The following NFATC2 variants were observed in gnomAD, a reference collection of about 807,000 sequenced individuals.
NFATC2 encodes nuclear factor of activated T-cells, cytoplasmic 2.
NFATC2 carries 22 observed loss-of-function variants against 87.3 expected under a neutral mutation model. The ratio of observed to expected loss-of-function variants is 0.25; its 90% confidence interval spans 0.18 to 0.36. NFATC2 has a LOEUF of 0.36. Ranked by LOEUF, NFATC2 falls within the 10% of genes least tolerant of loss-of-function variation. NFATC2 has a pLI of 1.00. For missense variants in NFATC2, 1,149 were observed against 1,259.1 expected (o/e 0.91, Z 1.32); for synonymous variants, 565 against 542.2 (o/e 1.04, Z -0.58).
chr20:51,458,738 G>T (rs936492892), intron 5 of NFATC2, among the ~76,000 whole-genome samples: 1 of 151,888 alleles, frequency 6.6e-6, no homozygotes, highest in South Asian at 2.1e-4. Flanking sequence ...TGCTTGAACC[G>T]GGGAGGCGGA....
intron 6 of NFATC2, among the ~76,000 whole-genome samples, chr20:51,437,920 A>G (rs569354282): frequency 6.6e-6 from 1 of 152,354 alleles, no homozygotes; most frequent in East Asian, 1.9e-4. Context: ...TGAGGCCAAG[A>G]AAAGGCCAAA....
intron 1 of NFATC2, among the ~76,000 whole-genome samples, chr20:51,541,349 G>A (rs1462099444): frequency 6.6e-6 from 1 of 152,086 alleles, no homozygotes; most frequent in Non-Finnish European, 1.5e-5. Context: ...GGGCTGGGCT[G>A]TCAAAATCAG....
chr20:51,423,371 CA>C (rs1432121479), intron 9 of NFATC2, among the ~76,000 whole-genome samples: 5 of 152,038 alleles, frequency 3.3e-5, no homozygotes, highest in South Asian at 2.1e-4. Flanking sequence ...TTTCCAGCCC[CA>C]CAAGTTATGC....
intron 3 of NFATC2, among the ~76,000 whole-genome samples, chr20:51,476,533 C>G (rs1004501055): frequency 6.6e-6 from 1 of 152,144 alleles, no homozygotes; most frequent in African/African-American, 2.4e-5. Context: ...CCCTATCTCT[C>G]TCTCCTACTT....
intron 5 of NFATC2, 39 bp downstream of exon 5, chr20:51,473,941 G>T (rs201111723): frequency 1.1e-5 from 17 of 1,602,534 alleles, no homozygotes; most frequent in Non-Finnish European, 1.4e-5. Flanking sequence ...CGTGCCCTAC[G>T]CTTTCTGAAG....
At chr20:51,452,645 C>T (rs1458116697) in intron 6 of NFATC2, among the ~76,000 whole-genome samples, 1 of 152,194 alleles carries the variant, frequency 6.6e-6, no homozygotes, top group East Asian at 1.9e-4. Context: ...CCTGCCCAAC[C>T]TCATCCCCAC....
intron 3 of NFATC2, among the ~76,000 whole-genome samples, chr20:51,498,225 T>C (rs932448036): frequency 6.6e-6 from 1 of 152,040 alleles, no homozygotes; most frequent in Non-Finnish European, 1.5e-5. Context: ...CGCCAGCACA[T>C]CCATCACCCA....
intron 1 of NFATC2, among the ~76,000 whole-genome samples, chr20:51,560,649 CA>C (rs1224998680): frequency 6.6e-6 from 1 of 152,198 alleles, no homozygotes; most frequent in Admixed American, 6.5e-5. Context: ...CCTGGAACTG[CA>C]TTCTATGTGC....
intron 3 of NFATC2, among the ~76,000 whole-genome samples, chr20:51,477,508 T>C (rs1988814269): frequency 1.4e-5 from 2 of 140,270 alleles, no homozygotes; most frequent in African/African-American, 5.2e-5. Context: ...TATATACACA[T>C]ATATATATAC....
At chr20:51,405,766 C>T (rs1011206460) in intron 9 of NFATC2, among the ~76,000 whole-genome samples, 6 of 152,104 alleles carry the variant, frequency 3.9e-5, no homozygotes, top group Admixed American at 1.3e-4. Context: ...AATGATTGGG[C>T]GAAAGAATAA....
intron 5 of NFATC2, among the ~76,000 whole-genome samples, chr20:51,458,399 G>A (rs1463133021): frequency 6.6e-6 from 1 of 152,090 alleles, no homozygotes; most frequent in Non-Finnish European, 1.5e-5. Context: ...TATCCCCTGG[G>A]GAAGAGGGGT....
rs1016717533 is a variant in NFATC2 at position 51,524,880 on chromosome 20, G to T, written c.131-770C>A. ...AGGCAAGCCACTTGCCCCCCAACAG[G>T]CAGGGTCACTGCTACAGAGGTTACC... On this transcript the variant is annotated intron_variant, in intron 1 of 10. Transcript: ENST00000371564. This position sits in a 1 kb window ranked among gnomAD's most constrained non-coding sequence, Gnocchi z 4.0. Among the ~76,000 whole-genome samples, 3 of 152,076 alleles carry T rather than the reference G, an allele frequency of 2.0e-5. No homozygotes were observed. Among genetic ancestry groups the T allele is most frequent in the Admixed American group, 6.6e-5 (1 of 15,266 alleles).
intron 3 of NFATC2, among the ~76,000 whole-genome samples, chr20:51,477,567 ATATATATATATAT>A (rs1568667268): frequency 1.2e-4 from 12 of 100,960 alleles, no homozygotes; most frequent in East Asian, 9.4e-4. Context: ...ATATATATAT[ATATATATATATAT>A]AAAATAACAA....
Position 51,398,718 on chromosome 20 carries a change from G to GTGTC in NFATC2, c.2731_2734dup (p.Thr912ArgfsTer5). 1.2e-6 allele frequency: 2 copies of GTGTC among 1,610,970 alleles called. No individual in the cohort carries two copies. Among genetic ancestry groups the GTGTC allele is most frequent in the Non-Finnish European group, 1.7e-6 (2 of 1,177,896 alleles). ...TATGTTTTGTATCCAGCTAAGGTGT[G>GTGTC]TGTCTATCAGCTCTGAAAAAGATTT... On this transcript the variant is annotated frameshift_variant, in exon 10 of 11. Coordinates refer to ENST00000371564, the MANE Select transcript of NFATC2 (RefSeq NM_012340.5). LOFTEE classifies it high-confidence loss of function.
rs541909832 is a variant in NFATC2 at position 51,453,444 on chromosome 20, C to T, written c.1849+1104G>A. Among the ~76,000 whole-genome samples the T allele has an allele frequency of 1.7e-4, 26 of 152,350 alleles. No individual in the cohort carries two copies. The South Asian group carries it at 5.4e-3, about 32-fold the overall frequency. Reference sequence around the variant, plus strand: ...GGACAATAAACAAATAGACAAACATCAACACCCCTTTGAAGTAACCTACTG... The same window carrying T: ...GGACAATAAACAAATAGACAAACATTAACACCCCTTTGAAGTAACCTACTG... On this transcript the variant is annotated intron_variant, in intron 6 of 10. Coordinates refer to ENST00000371564, the MANE Select transcript of NFATC2 (RefSeq NM_012340.5).
chr20:51,516,800 C>T lies in NFATC2; in HGVS notation c.1316G>A (p.Gly439Asp), dbSNP rs2076357819. 1 of 1,610,118 alleles carries T rather than the reference C, an allele frequency of 6.2e-7. No homozygotes were observed. ...AGTCCATACCTGAACCACAGGGTGG[C>T]CTCCAGTTGGAGCTTTGACAGCCCC... is the stretch of plus-strand genomic sequence containing the variant. ...SRGAVKAPTG[G>D]HPVVQLHGYM... The change falls in exon 3 of 11, where the codon GGC becomes GAC. Residue 439 changes from glycine (G) to aspartate (D), a missense_variant. Physicochemically the swap from Gly to Asp is moderately conservative, Grantham distance 94. Transcript: ENST00000371564.
intron 10 of NFATC2, among the ~76,000 whole-genome samples, chr20:51,397,054 G>A (rs1293538061): frequency 3.9e-5 from 6 of 152,144 alleles, no homozygotes; most frequent in South Asian, 4.1e-4. Context: ...ACCATGGCCC[G>A]GCTAATTTTT....
At chr20:51,455,642 C>T (rs540416362) in intron 5 of NFATC2, among the ~76,000 whole-genome samples, 36 of 130,424 alleles carry the variant, frequency 2.8e-4, no homozygotes, top group African/African-American at 9.3e-4. Flanking sequence ...GGAGGGGCTT[C>T]GCTTTGTGTA....
chr20:51,418,452 C>T (rs1315502544), intron 9 of NFATC2, among the ~76,000 whole-genome samples: 1 of 152,146 alleles, frequency 6.6e-6, no homozygotes, highest in Non-Finnish European at 1.5e-5. Flanking sequence ...GATAGCCCCT[C>T]ACAACAGAGA....
Sources: gnomAD v4.1 joint callset for allele counts (sites outside exome capture counted in the v4.1 genomes callset) on GRCh38, gnomAD v4.1.1 for gene constraint, Gnocchi (gnomAD v3.1) non-coding constraint, MANE v1.5 for transcripts, NCBI Gene and HGNC (gene_info 2026-07-23, HGNC 2026-07-21) for gene names.